The following MDM4 variants were observed in gnomAD, a reference collection of about 807,000 sequenced individuals.
The protein encoded by MDM4 is protein Mdm4.
A neutral mutation model predicts 60.2 loss-of-function variants in MDM4; 2 were observed. The observed-to-expected ratio is 0.03, with a 90% CI of 0.01 to 0.10. The LOEUF (loss-of-function observed/expected upper bound fraction) is 0.10. MDM4 is among the 10% of genes least tolerant of loss of function. The pLI, the probability that MDM4 is intolerant of heterozygous loss-of-function variation, is 1.00. For missense variants in MDM4, 447 were observed against 577.5 expected (o/e 0.77, Z 2.32); for synonymous variants, 202 against 198.1 (o/e 1.02, Z -0.17).
rs1663530932 is a variant in MDM4 at position 204,556,234 on chromosome 1, T to G, written c.*6552T>G. 1 of 225,932 alleles carries G rather than the reference T, an allele frequency of 4.4e-6. No individual in the cohort carries two copies. Among genetic ancestry groups the G allele is most frequent in the Non-Finnish European group, 8.8e-6 (1 of 113,512 alleles). 14.0% of individuals were successfully genotyped at this position (225,932 alleles called of 1,614,324 possible). A position where few individuals can be genotyped will look rare whatever the true frequency, so the allele number is the denominator to read the frequency against. On this transcript the variant is annotated 3_prime_UTR_variant, in exon 11 of 11. Coordinates refer to ENST00000367182, the MANE Select transcript of MDM4 (RefSeq NM_002393.5). Reference sequence around the variant, plus strand: ...TAACTACAGTATCTTTAGATAAGATTCCTCTTTCCAGTCAGTCCTGGGAAA... The same window carrying G: ...TAACTACAGTATCTTTAGATAAGATGCCTCTTTCCAGTCAGTCCTGGGAAA...
In MDM4 at chr1:204,555,157, T is replaced by TA; in HGVS notation, c.*5475_*5476insA. 5.3e-6 allele frequency: 1 copy of TA among 189,750 alleles called. No individual in the cohort carries two copies. Among genetic ancestry groups the TA allele is most frequent in the Non-Finnish European group, 1.1e-5 (1 of 90,468 alleles). 11.8% of individuals were successfully genotyped at this position (189,750 alleles called of 1,614,324 possible). ...AGGACAGTTAGTAGAACTCTCCATTTCTTTTTTTTTTTTTTTAGACGGAGT... is the reference window on the plus strand; with the variant it reads ...AGGACAGTTAGTAGAACTCTCCATTTACTTTTTTTTTTTTTTTAGACGGAGT... On this transcript the variant is annotated 3_prime_UTR_variant, in exon 11 of 11. Transcript: ENST00000367182.
At chr1:204,532,074 C>G (rs1660911193) in intron 4 of MDM4, 117 bp from the exon 5 acceptor site, 2 of 638,374 alleles carry the variant, frequency 3.1e-6, no homozygotes, top group Non-Finnish European at 2.7e-6. Flanking sequence ...CTTTGTATGC[C>G]TTACAGAGAG....
Position 204,537,491 on chromosome 1 carries a change from A to G in MDM4, c.405A>G (p.Gln135=), listed in dbSNP as rs968178229. Residue 135 remains glutamine, a synonymous_variant, in exon 6 of 11, where the codon CAA becomes CAG. Coordinates refer to ENST00000367182, the MANE Select transcript of MDM4 (RefSeq NM_002393.5). ...DHSMDIPSQD[Q]LKQSAEESST... ...GTATGGATATTCCAAGTCAAGACCA[A>G]CTGAAGGTAAAATCACCACACGGTG... is the stretch of plus-strand genomic sequence containing the variant. 7 of 1,612,428 alleles carry G rather than the reference A, an allele frequency of 4.3e-6. No homozygotes were observed. Among genetic ancestry groups the G allele is most frequent in the South Asian group, 3.3e-5 (3 of 91,040 alleles).
chr1:204,529,002 C>T lies in MDM4; in HGVS notation c.154-1682C>T, dbSNP rs1003239474. The T allele has an allele frequency of 5.4e-5, 83 of 1,527,506 alleles. No individual in the cohort carries two copies. The African/African-American group carries it at 8.6e-4, about 16-fold the overall frequency. 94.6% of individuals were successfully genotyped at this position (1,527,506 alleles called of 1,614,324 possible). A position where few individuals can be genotyped will look rare whatever the true frequency, so the allele number is the denominator to read the frequency against. Reference sequence around the variant, plus strand: ...AAGCTGTCTGGCAGGATTGACAGAGCGTGGGCAGTAGCTGGAGACCAGTAG... The same window carrying T: ...AAGCTGTCTGGCAGGATTGACAGAGTGTGGGCAGTAGCTGGAGACCAGTAG... On this transcript the variant is annotated intron_variant, in intron 3 of 10. Coordinates refer to ENST00000367182, the MANE Select transcript of MDM4 (RefSeq NM_002393.5).
At chr1:204,530,252 C>G (rs1660731071) in intron 3 of MDM4, among the ~76,000 whole-genome samples, 1 of 152,180 alleles carries the variant, frequency 6.6e-6, no homozygotes, top group South Asian at 2.1e-4. Flanking sequence ...AAACATTGTA[C>G]TTCATTTGCC....
intron 4 of MDM4, among the ~76,000 whole-genome samples, chr1:204,531,469 A>G (rs1431170550): frequency 6.6e-6 from 1 of 152,212 alleles, no homozygotes; most frequent in East Asian, 1.9e-4. Context: ...GCTAATTAGT[A>G]ATTTAGAAGC....
In MDM4 at chr1:204,558,024, A is replaced by G. The variant is rs1159611519; in HGVS notation, c.*8342A>G. 2 of 185,994 alleles carry G rather than the reference A, an allele frequency of 1.1e-5. No homozygotes were observed. The highest frequency in any genetic ancestry group is 4.7e-5 in the African/African-American group (2 of 42,590). 11.5% of individuals were successfully genotyped at this position (185,994 alleles called of 1,614,324 possible). A position where few individuals can be genotyped will look rare whatever the true frequency, so the allele number is the denominator to read the frequency against. On this transcript the variant is annotated 3_prime_UTR_variant, in exon 11 of 11. Transcript: ENST00000367182. ...CTAGTTTTCCTTATAAGCACCACTA[A>G]GTTAATAGCTCTGTCTTTTTGGTGT...
intron 5 of MDM4, among the ~76,000 whole-genome samples, chr1:204,533,483 A>G (rs1014673532): frequency 8.5e-5 from 13 of 152,102 alleles, no homozygotes; most frequent in African/African-American, 3.1e-4. Context: ...CAGCCTCCCG[A>G]GTAGCTGGGA....
At chr1:204,540,712 G>A (rs1417916859) in intron 7 of MDM4, among the ~76,000 whole-genome samples, 6 of 152,264 alleles carry the variant, frequency 3.9e-5, no homozygotes, top group Admixed American at 1.3e-4. Flanking sequence ...GCAGTGAGCC[G>A]AGATCGCGCC....
At chr1:204,547,668 A>T (rs187181796) in intron 10 of MDM4, among the ~76,000 whole-genome samples, 1 of 152,330 alleles carries the variant, frequency 6.6e-6, no homozygotes, top group East Asian at 1.9e-4. Context: ...TAATAAAGTA[A>T]AATATATTGG....
In MDM4 at chr1:204,550,688, C is replaced by CTG. The variant is rs1663119388; in HGVS notation, c.*1007_*1008insGT. On this transcript the variant is annotated 3_prime_UTR_variant, in exon 11 of 11. Transcript: ENST00000367182. ...CCTCAGCTTCCCTCACAGGCATTCA[C>CTG]TATCACTCCCAGCTAATTAAAATAA... The CTG allele has an allele frequency of 1.1e-5, 2 of 174,586 alleles. No homozygotes were observed. Among genetic ancestry groups the CTG allele is most frequent in the African/African-American group, 4.8e-5 (2 of 41,624 alleles). 10.8% of individuals were successfully genotyped at this position (174,586 alleles called of 1,614,324 possible). A position where few individuals can be genotyped will look rare whatever the true frequency, so the allele number is the denominator to read the frequency against.
chr1:204,520,498 A>T (rs1659466447), intron 1 of MDM4, among the ~76,000 whole-genome samples: 1 of 152,102 alleles, frequency 6.6e-6, no homozygotes, highest in South Asian at 2.1e-4. Context: ...CAGGATGATT[A>T]TTATTGCAGG....
intron 6 of MDM4, 53 bp from the exon 7 acceptor site, chr1:204,538,156 C>A: frequency 1.0e-6 from 1 of 957,466 alleles, no homozygotes; most frequent in Non-Finnish European, 1.7e-6. Flanking sequence ...CTGCTACATC[C>A]CCTGGTCTCA....
Position 204,535,658 on chromosome 1 carries a change from G to A in MDM4, c.344-1772G>A, listed in dbSNP as rs191679572. Among the ~76,000 whole-genome samples, 557 of 152,044 alleles carry A rather than the reference G, an allele frequency of 3.7e-3. 1 individual carries two copies. The highest frequency in any genetic ancestry group is 0.014 in the Middle Eastern group (4 of 294). On this transcript the variant is annotated intron_variant, in intron 5 of 10. Transcript: ENST00000367182. ...AGGTGATCTCCTGCCTCAGCCTCCC[G>A]AGTAGCTGGGATTACAGGTGCGCAC...
chr1:204,540,510 C>A (rs1661955160), intron 7 of MDM4, among the ~76,000 whole-genome samples: 1 of 152,050 alleles, frequency 6.6e-6, no homozygotes, highest in Non-Finnish European at 1.5e-5. Flanking sequence ...TGCTTGTAAT[C>A]CTAGCACTTT....
chr1:204,526,984 C>G (rs1265771513), intron 3 of MDM4, among the ~76,000 whole-genome samples: 4 of 151,986 alleles, frequency 2.6e-5, no homozygotes, highest in African/African-American at 9.7e-5. Context: ...AGTTAAAATG[C>G]AGAGCAAGTA....
intron 1 of MDM4, among the ~76,000 whole-genome samples, chr1:204,524,566 C>G (rs1386705907): frequency 6.6e-6 from 1 of 152,196 alleles, no homozygotes; most frequent in Non-Finnish European, 1.5e-5. Flanking sequence ...ATCACGAGGT[C>G]AGGAATTTGA....
chr1:204,542,708 T>C lies in MDM4; in HGVS notation c.512-76T>C, dbSNP rs1329542852. 3 of 1,125,310 alleles carry C rather than the reference T, an allele frequency of 2.7e-6. No individual in the cohort carries two copies. The African/African-American group carries it at 4.8e-5, about 18-fold the overall frequency. The allele number at this position is 1,125,310 out of a possible 1,614,324, so 69.7% of individuals were successfully genotyped here. ...TCTTTTTACCTATTTTATAAAGAAGTTTTAAGTATTCTAAAGATAGTCTTA... is the reference window on the plus strand; with the variant it reads ...TCTTTTTACCTATTTTATAAAGAAGCTTTAAGTATTCTAAAGATAGTCTTA... On this transcript the variant is annotated intron_variant, in intron 7 of 10. Coordinates refer to ENST00000367182, the MANE Select transcript of MDM4 (RefSeq NM_002393.5).
intron 5 of MDM4, among the ~76,000 whole-genome samples, chr1:204,535,556 C>T (rs570878953): frequency 6.7e-6 from 1 of 150,284 alleles, no homozygotes; most frequent in South Asian, 2.1e-4. Context: ...ATTTTTGAGA[C>T]TGAGTCTCGC....
Sources: allele counts gnomAD v4.1 joint callset (sites outside exome capture counted in the v4.1 genomes callset), GRCh38; gene constraint gnomAD v4.1.1; transcripts MANE v1.5; gene names NCBI Gene and HGNC (gene_info 2026-07-23, HGNC 2026-07-21).